Variants in SEC23A observed in about 807,000 individuals in gnomAD.
SEC23A encodes protein transport protein Sec23A.
SEC23A carries 56 observed loss-of-function variants against 103.7 expected under a neutral mutation model. The ratio of observed to expected loss-of-function variants is 0.54; its 90% confidence interval spans 0.44 to 0.67. The LOEUF is 0.67. Ranked by LOEUF, SEC23A falls within the 30% of genes least tolerant of loss-of-function variation. The pLI, the probability that SEC23A is intolerant of heterozygous loss-of-function variation, is 0.00. For missense variants in SEC23A, 784 were observed against 936.4 expected, an observed-to-expected ratio of 0.84 and a Z score of 2.12; for synonymous variants, 281 against 293.0, an observed-to-expected ratio of 0.96 and a Z score of 0.42.
intron 6 of SEC23A, 84 bp from the exon 7 acceptor site, chr14:39,085,990 A>T (rs923410222): frequency 8.4e-7 from 1 of 1,189,948 alleles, no homozygotes; most frequent in Non-Finnish European, 1.2e-6. Context: ...TCCTAAAAAT[A>T]GAAAACAACA....
chr14:39,101,558 G>A (rs1161540996), intron 1 of SEC23A, among the ~76,000 whole-genome samples: 2 of 151,876 alleles, frequency 1.3e-5, no homozygotes, highest in Non-Finnish European at 1.5e-5. Flanking sequence ...GGGAGGCGGA[G>A]GTTGCAGTGA....
chr14:39,066,470 A>G (rs1174005107), intron 10 of SEC23A, among the ~76,000 whole-genome samples: 1 of 149,416 alleles, frequency 6.7e-6, no homozygotes, highest in Non-Finnish European at 1.5e-5. Context: ...GGTAAAAAAC[A>G]GTTTCCTCTT....
At chr14:39,101,904 A>C (rs570138975) in intron 1 of SEC23A, among the ~76,000 whole-genome samples, 2 of 152,246 alleles carry the variant, frequency 1.3e-5, no homozygotes, top group South Asian at 4.1e-4. Context: ...ACAAGGTCCC[A>C]TCTAACTCTA....
At chr14:39,073,632 C>T (rs1262206789) in intron 9 of SEC23A, among the ~76,000 whole-genome samples, 2 of 106,680 alleles carry the variant, frequency 1.9e-5, no homozygotes, top group African/African-American at 7.3e-5. Context: ...TTTTTTGAGA[C>T]GGAGTCTAAC....
intron 13 of SEC23A, among the ~76,000 whole-genome samples, chr14:39,058,286 A>ATTT (rs376125773): frequency 6.9e-6 from 1 of 144,404 alleles, no homozygotes; most frequent in Admixed American, 6.9e-5. Flanking sequence ...TTCTTTCTGT[A>ATTT]TTTTTTTTTT....
intron 10 of SEC23A, among the ~76,000 whole-genome samples, 157 bp from the exon 11 acceptor site, chr14:39,065,150 A>G (rs1886615037): frequency 6.6e-6 from 1 of 152,208 alleles, no homozygotes; most frequent in Non-Finnish European, 1.5e-5. Flanking sequence ...AAGCACTTCT[A>G]TGCTCACTGT....
At chr14:39,034,190 G>C (rs1218171393) in intron 19 of SEC23A, among the ~76,000 whole-genome samples, 2 of 152,154 alleles carry the variant, frequency 1.3e-5, no homozygotes. Context: ...GGGATTAAGG[G>C]CATAGAGTCT....
chr14:39,073,486 G>C (rs908407541), intron 9 of SEC23A, among the ~76,000 whole-genome samples: 2 of 151,302 alleles, frequency 1.3e-5, no homozygotes, highest in African/African-American at 4.9e-5. Context: ...TAGAGACAGG[G>C]TTTCACCATG....
At chr14:39,099,601 T>C (rs1427484344) in intron 1 of SEC23A, among the ~76,000 whole-genome samples, 3 of 152,190 alleles carry the variant, frequency 2.0e-5, no homozygotes, top group East Asian at 1.9e-4. Flanking sequence ...TTAGAAGATA[T>C]ACATTACTCA....
rs1044115249 is a variant in SEC23A, at chr14:39,067,333, C to T, written c.1104-37G>A. 6 of 1,610,800 alleles carry T rather than the reference C, an allele frequency of 3.7e-6. No individual in the cohort carries two copies. In the African/African-American group the frequency reaches 8.0e-5, roughly 22 times the overall value. ...GAACAAAAAAACAACATACTTGACA[C>T]AGTTACTGAGTCCGTGTGTTAAAAT... On this transcript the variant is annotated intron_variant, in intron 9 of 19. Coordinates refer to ENST00000307712, the MANE Select transcript of SEC23A (RefSeq NM_006364.4).
intron 13 of SEC23A, among the ~76,000 whole-genome samples, chr14:39,057,275 C>T (rs1391020275): frequency 1.4e-5 from 2 of 147,674 alleles, no homozygotes; most frequent in Non-Finnish European, 3.0e-5. Flanking sequence ...CACTGCACTC[C>T]AGCATGGGCG....
chr14:39,062,736 T>C (rs1377819470), intron 12 of SEC23A, among the ~76,000 whole-genome samples: 3 of 152,150 alleles, frequency 2.0e-5, no homozygotes, highest in East Asian at 1.9e-4. Flanking sequence ...AAAAAAACTA[T>C]TGCACCTGCC....
At chr14:39,096,543 A>C (rs1014163194) in intron 1 of SEC23A, among the ~76,000 whole-genome samples, 3 of 152,088 alleles carry the variant, frequency 2.0e-5, no homozygotes, top group Non-Finnish European at 2.9e-5. Flanking sequence ...AAAAAAAAAA[A>C]ATCAGGACCA....
intron 1 of SEC23A, among the ~76,000 whole-genome samples, chr14:39,099,161 T>C (rs993423308): frequency 7.0e-6 from 1 of 142,198 alleles, no homozygotes; most frequent in African/African-American, 2.6e-5. Flanking sequence ...TGGGTTTTTT[T>C]TTTTTTTTTT....
At chr14:39,044,796 T>TA (rs1305270516) in intron 16 of SEC23A, among the ~76,000 whole-genome samples, 8 of 152,214 alleles carry the variant, frequency 5.3e-5, no homozygotes, top group African/African-American at 1.9e-4. Context: ...TCACAGACAC[T>TA]AAACTCTGGA....
chr14:39,061,802 C>T lies in SEC23A; in HGVS notation c.1468G>A (p.Gly490Arg). ...QFVTQYQHSSGQRRIRVTTIA... is the reference protein window; with the variant it reads ...QFVTQYQHSSRQRRIRVTTIA... ...GTGGTCACTCGGATGCGTCTCTGCC[C>T]ACTTGAATGCTGATACTGAGTCACA... The change falls in exon 13 of 20, where the codon GGG (glycine) becomes AGG (arginine). Residue 490 changes from glycine to arginine, a missense_variant. Coordinates refer to ENST00000307712, the MANE Select transcript of SEC23A (RefSeq NM_006364.4). 1 of 1,613,782 alleles carries T rather than the reference C, an allele frequency of 6.2e-7. No individual in the cohort carries two copies. The highest frequency in any genetic ancestry group is 8.5e-7 in the Non-Finnish European group (1 of 1,179,698).
chr14:39,100,199 T>A (rs1259640624), intron 1 of SEC23A, among the ~76,000 whole-genome samples: 1 of 152,174 alleles, frequency 6.6e-6, no homozygotes, highest in Non-Finnish European at 1.5e-5. Flanking sequence ...ACTTCTTACA[T>A]TCCCACATTC....
chr14:39,083,283 A>G (rs908617912), intron 7 of SEC23A, among the ~76,000 whole-genome samples: 4 of 152,126 alleles, frequency 2.6e-5, no homozygotes, highest in African/African-American at 9.7e-5. Flanking sequence ...AGATAAACGC[A>G]TATCTGATTG....
At chr14:39,074,911 T>A (rs1453072620) in intron 8 of SEC23A, among the ~76,000 whole-genome samples, 1 of 152,010 alleles carries the variant, frequency 6.6e-6, no homozygotes, top group Non-Finnish European at 1.5e-5. Flanking sequence ...ATCGAGACCA[T>A]CCTGGCAAAC....
Sources: gnomAD v4.1 joint callset for allele counts (sites outside exome capture counted in the v4.1 genomes callset) on GRCh38, gnomAD v4.1.1 for gene constraint, MANE v1.5 for transcripts, NCBI Gene and HGNC (gene_info 2026-07-23, HGNC 2026-07-21) for gene names.